The following SEMA4B variants were observed in gnomAD, a reference collection of about 807,000 sequenced individuals.
SEMA4B encodes semaphorin-4B.
Under a neutral mutation model 88.1 loss-of-function variants are expected in SEMA4B, and 55 were observed. That is an observed-to-expected ratio of 0.62 (90% CI 0.50 to 0.78). The LOEUF (loss-of-function observed/expected upper bound fraction) is 0.78, where lower values mean the gene tolerates loss of function less well. Among genes scored for constraint, SEMA4B ranks in the 30% least tolerant of loss-of-function variants. The pLI is 0.00. For synonymous variants in SEMA4B, 525 were observed against 473.6 expected (o/e 1.11, Z -1.41); for missense variants, 1,062 against 1,111.9 (o/e 0.96, Z 0.64).
At chr15:90,222,100 C>T (rs1961884722) in intron 7 of SEMA4B, among the ~76,000 whole-genome samples, 1 of 151,404 alleles carries the variant, frequency 6.6e-6, no homozygotes, top group Non-Finnish European at 1.5e-5. Context: ...CCCCCATGCC[C>T]AGCTAATTTT....
At chr15:90,214,863 C>A in intron 1 of SEMA4B, 1 of 677,532 alleles carries the variant, frequency 1.5e-6, no homozygotes, top group Non-Finnish European at 2.1e-6. Context: ...TTTGGGTTTT[C>A]TCTGCTCCTG....
intron 1 of SEMA4B, among the ~76,000 whole-genome samples, chr15:90,208,122 C>T (rs1462946696): frequency 1.3e-5 from 2 of 152,020 alleles, no homozygotes; most frequent in African/African-American, 2.4e-5. Context: ...GGCATGGTGG[C>T]AGGCACCTGT....
chr15:90,225,104 C>T lies in SEMA4B; in HGVS notation c.1331C>T (p.Ala444Val), dbSNP rs752200335. The stretch of plus-strand genomic sequence containing the variant: ...CGCATGCTGCTGCTGCAGCCCCAGG[C>T]TCGCTACCAGCGCGTGGCTGTACAC... Reference protein sequence around the residue: ...RSRMLLLQPQARYQRVAVHRV... With the variant: ...RSRMLLLQPQVRYQRVAVHRV... Residue 444 changes from alanine to valine, a missense_variant, in exon 10 of 14, where the codon GCT (alanine) becomes GTT (valine). Coordinates refer to ENST00000411539, the MANE Select transcript of SEMA4B (RefSeq NM_198925.4). The T allele has an allele frequency of 1.7e-5, 28 of 1,613,632 alleles. No individual in the cohort carries two copies. The highest frequency in any genetic ancestry group is 2.3e-5 in the Non-Finnish European group (27 of 1,179,874).
Position 90,229,185 on chromosome 15 carries a change from A to AGTT in SEMA4B, c.*547_*549dup, listed in dbSNP as rs1168004312. 1 of 397,068 alleles carries AGTT rather than the reference A, an allele frequency of 2.5e-6. No homozygotes were observed. The highest frequency in any genetic ancestry group is 5.1e-6 in the Non-Finnish European group (1 of 196,104). The allele number at this position is 397,068 out of a possible 1,614,324, so 24.6% of individuals were successfully genotyped here. A position where few individuals can be genotyped will look rare whatever the true frequency, so the allele number is the denominator to read the frequency against. ...TGCCTTGCCAGTCAGCCGAGGATGT[A>AGTT]GTTGTTGCTGCCGTCGTCCCACCAC... On this transcript the variant is annotated 3_prime_UTR_variant, in exon 14 of 14. Transcript: ENST00000411539.
At chr15:90,209,576 A>G (rs905916653) in intron 1 of SEMA4B, among the ~76,000 whole-genome samples, 5 of 152,224 alleles carry the variant, frequency 3.3e-5, no homozygotes, top group South Asian at 2.1e-4. Context: ...TTAAAAAAAA[A>G]AGAGAGAAGA....
Position 90,228,890 on chromosome 15 carries a change from CA to C in SEMA4B, c.*248del, listed in dbSNP as rs1205308301. On this transcript the variant is annotated 3_prime_UTR_variant, in exon 14 of 14. Transcript: ENST00000411539. Reference sequence around the variant, plus strand: ...TGGGGGCCTGCCTAGGTTGGTGGAACAGTGCTCCTTATGTAAACTGAGCCCT... The same window carrying C: ...TGGGGGCCTGCCTAGGTTGGTGGAACGTGCTCCTTATGTAAACTGAGCCCT... The C allele has an allele frequency of 8.5e-6, 5 of 587,166 alleles. No homozygotes were observed. The highest frequency in any genetic ancestry group is 1.5e-5 in the Non-Finnish European group (5 of 331,122). 36.4% of individuals were successfully genotyped at this position (587,166 alleles called of 1,614,324 possible).
chr15:90,187,540 A>G (rs1960201303), intron 1 of SEMA4B, among the ~76,000 whole-genome samples: 1 of 152,194 alleles, frequency 6.6e-6, no homozygotes, highest in Non-Finnish European at 1.5e-5. Flanking sequence ...ACTGCAGCAT[A>G]ATGAGGTCCT....
chr15:90,214,323 C>A (rs766774157), intron 1 of SEMA4B, among the ~76,000 whole-genome samples: 86 of 124,750 alleles, frequency 6.9e-4, no homozygotes, highest in Non-Finnish European at 1.3e-3. Context: ...AGAGAAACTC[C>A]GTCTCAAAAA....
upstream of SEMA4B, among the ~76,000 whole-genome samples, chr15:90,197,097 C>T (rs181038190): frequency 5.9e-5 from 9 of 152,070 alleles, no homozygotes; most frequent in Admixed American, 3.3e-4. Context: ...GATTAGGAAA[C>T]CAAGATTGGC....
At chr15:90,219,539 C>G (rs11856259) in intron 3 of SEMA4B, 3 of 485,956 alleles carry the variant, frequency 6.2e-6, no homozygotes, top group South Asian at 5.4e-5. Flanking sequence ...ATTCTGTGCC[C>G]TCACCCCTAG....
intron 1 of SEMA4B, chr15:90,206,729 T>A (rs528216578): frequency 7.9e-5 from 60 of 754,976 alleles, no homozygotes; most frequent in Non-Finnish European, 1.3e-4. Context: ...TGTGCTTGCA[T>A]CCAACGGTGA....
Position 90,192,739 on chromosome 15 carries a change from C to T in SEMA4B, c.-122+7658C>T, listed in dbSNP as rs1165469500. On this transcript the variant is annotated intron_variant, in intron 1 of 14. Coordinates refer to the SEMA4B transcript ENST00000332496. ...CCGAGTAGCAGGGATTACAGCCTCA[C>T]GCCACCATGCCTGGCTAATTTTTGT... is the stretch of plus-strand genomic sequence containing the variant. Among the ~76,000 whole-genome samples the T allele has an allele frequency of 3.3e-5, 5 of 152,108 alleles. No homozygotes were observed. The South Asian group carries it at 6.2e-4, about 19-fold the overall frequency.
chr15:90,223,763 G>T, intron 8 of SEMA4B, 23 bp downstream of exon 8: 1 of 1,603,694 alleles, frequency 6.2e-7, no homozygotes. Flanking sequence ...GACCTCGCTG[G>T]AGATGGAAGG....
At chr15:90,206,351 C>G (rs930121992) in intron 1 of SEMA4B, among the ~76,000 whole-genome samples, 16 of 152,270 alleles carry the variant, frequency 1.1e-4, no homozygotes, top group African/African-American at 3.6e-4. Context: ...GAAGTCTGCT[C>G]CCTTGGACTG....
intron 1 of SEMA4B, among the ~76,000 whole-genome samples, chr15:90,216,784 C>T (rs1342630646): frequency 6.6e-6 from 1 of 152,052 alleles, no homozygotes. Context: ...GTGGAGGTTG[C>T]AGTGAGCCAA....
At chr15:90,209,485 C>T (rs1229322130) in intron 1 of SEMA4B, among the ~76,000 whole-genome samples, 3 of 151,994 alleles carry the variant, frequency 2.0e-5, no homozygotes, top group African/African-American at 4.8e-5. Flanking sequence ...GCGGAAGAAT[C>T]GCTTGAACCC....
At chr15:90,185,108 T>C (rs1423734912) in intron 1 of SEMA4B, 1 of 973,334 alleles carries the variant, frequency 1.0e-6, no homozygotes, top group Admixed American at 6.2e-5. Context: ...CCTGGCGAGG[T>C]GGGAGCCGCT....
rs1461575231 is a variant in SEMA4B at position 90,212,140 on chromosome 15, GAACCCCACTTCCTAC to G, written c.158-5298_158-5284del. ...GTATTCCCACATCACTTCCTACTCA[GAACCCCACTTCCTAC>G]TCAGAACCCCACTTCCTGGGGTGGG... On this transcript the variant is annotated intron_variant, in intron 1 of 13. Coordinates refer to ENST00000411539, the MANE Select transcript of SEMA4B (RefSeq NM_198925.4). This position sits in a 1 kb window ranked among gnomAD's most constrained non-coding sequence, Gnocchi z 4.0. 1.4e-4 allele frequency among the ~76,000 whole-genome samples: 2 copies of G among 14,558 alleles called. No individual in the cohort carries two copies. Among genetic ancestry groups the G allele is most frequent in the Non-Finnish European group, 2.0e-4 (2 of 10,172 alleles). 9.6% of individuals were successfully genotyped at this position (14,558 alleles called of 152,430 possible).
intron 7 of SEMA4B, 71 bp from the exon 8 acceptor site, chr15:90,223,488 A>G: frequency 7.2e-7 from 1 of 1,393,738 alleles, no homozygotes; most frequent in Non-Finnish European, 9.6e-7. Context: ...CCATTGAGGC[A>G]GTCCTGTGCC....
Sources: allele counts gnomAD v4.1 joint callset (sites outside exome capture counted in the v4.1 genomes callset), GRCh38; gene constraint gnomAD v4.1.1; non-coding constraint Gnocchi (gnomAD v3.1); transcripts MANE v1.5; gene names NCBI Gene and HGNC (gene_info 2026-07-23, HGNC 2026-07-21).